Variants in DPY19L1 observed in about 807,000 individuals in gnomAD.
DPY19L1 encodes dpy-19 like C-mannosyltransferase 1.
In DPY19L1, 35 loss-of-function variants were observed where a neutral mutation model predicts 96.9. That is an observed-to-expected ratio of 0.36 (90% CI 0.28 to 0.48). DPY19L1 has a LOEUF of 0.48. Ranked by LOEUF, DPY19L1 falls within the 20% of genes least tolerant of loss-of-function variation. The pLI is 0.99. For missense variants in DPY19L1, 521 were observed against 777.9 expected, an observed-to-expected ratio of 0.67 and a Z score of 3.93; for synonymous variants, 205 against 252.6, an observed-to-expected ratio of 0.81 and a Z score of 1.79.
rs545010368 is a variant in DPY19L1 at position 35,030,998 on chromosome 7, G to C, written c.298+6099C>G. The stretch of plus-strand genomic sequence containing the variant: ...AAACTAGCAGCCTCTTCCCCTGGAA[G>C]AGTAATGTCTCAATGGTTTGGCTGA... On this transcript the variant is annotated intron_variant, in intron 1 of 21. Coordinates refer to ENST00000638088, the MANE Select transcript of DPY19L1 (RefSeq NM_001366673.1). 6.6e-4 allele frequency among the ~76,000 whole-genome samples: 100 copies of C among 152,288 alleles called. 1 individual carries two copies. The highest frequency in any genetic ancestry group is 2.2e-4 in the Non-Finnish European group (15 of 68,028).
intron 6 of DPY19L1, among the ~76,000 whole-genome samples, chr7:35,006,571 G>A (rs1381851940): frequency 6.6e-6 from 1 of 151,714 alleles, no homozygotes; most frequent in East Asian, 1.9e-4. Context: ...GAAATATCAG[G>A]GTATCTTATG....
At chr7:34,979,109 C>G (rs1476084951) in intron 7 of DPY19L1, among the ~76,000 whole-genome samples, 1 of 152,096 alleles carries the variant, frequency 6.6e-6, no homozygotes, top group Non-Finnish European at 1.5e-5. Context: ...TCTAAGATAT[C>G]AGTATATCCT....
chr7:34,939,846 T>C (rs533222923), intron 19 of DPY19L1, among the ~76,000 whole-genome samples: 1 of 152,306 alleles, frequency 6.6e-6, no homozygotes, highest in South Asian at 2.1e-4. Flanking sequence ...TAAAAATTCA[T>C]TAAGAAAATA....
intron 21 of DPY19L1, among the ~76,000 whole-genome samples, chr7:34,934,105 A>G (rs917234414): frequency 8.5e-5 from 13 of 152,058 alleles, no homozygotes; most frequent in African/African-American, 2.9e-4. Flanking sequence ...CTGGGATTAC[A>G]GGTGCCCACC....
intron 1 of DPY19L1, among the ~76,000 whole-genome samples, chr7:35,033,370 C>T (rs117592832): frequency 2.0e-5 from 3 of 152,142 alleles, no homozygotes; most frequent in Non-Finnish European, 4.4e-5. Flanking sequence ...TACCATCCCC[C>T]CTTCCAGAAT....
intron 16 of DPY19L1, among the ~76,000 whole-genome samples, chr7:34,944,579 A>T (rs1303092064): frequency 6.6e-6 from 1 of 152,140 alleles, no homozygotes; most frequent in Non-Finnish European, 1.5e-5. Flanking sequence ...AATTTTAAAG[A>T]GAAGTATAAT....
At chr7:35,015,648 T>C (rs1785827971) in intron 3 of DPY19L1, among the ~76,000 whole-genome samples, 1 of 152,236 alleles carries the variant, frequency 6.6e-6, no homozygotes, top group South Asian at 2.1e-4. Context: ...ATCCACCTCT[T>C]GTTTATCATA....
At chr7:34,970,062 C>T (rs956742243) in intron 8 of DPY19L1, among the ~76,000 whole-genome samples, 1 of 152,128 alleles carries the variant, frequency 6.6e-6, no homozygotes, top group South Asian at 2.1e-4. Flanking sequence ...CTGAAGCAAC[C>T]TTTAGAGATC....
At chr7:34,942,575 C>A (rs756522492) in intron 17 of DPY19L1, 40 bp downstream of exon 17, 7 of 1,525,224 alleles carry the variant, frequency 4.6e-6, no homozygotes, top group Middle Eastern at 1.7e-4. Context: ...ATGCATGCAA[C>A]TTTAAGATAA....
intron 7 of DPY19L1, among the ~76,000 whole-genome samples, chr7:34,978,537 T>C (rs1784875627): frequency 6.6e-6 from 1 of 152,042 alleles, no homozygotes; most frequent in Non-Finnish European, 1.5e-5. Context: ...ATGGCTTGAG[T>C]ATCTCTTGTT....
At chr7:34,968,191 T>TAAA (rs1784650322) in intron 9 of DPY19L1, among the ~76,000 whole-genome samples, 2 of 151,922 alleles carry the variant, frequency 1.3e-5, no homozygotes, top group South Asian at 4.2e-4. Context: ...AAGATCAAAG[T>TAAA]AAAAAGTAAG....
intron 4 of DPY19L1, among the ~76,000 whole-genome samples, chr7:35,012,256 G>T (rs566343808): frequency 6.6e-6 from 1 of 152,314 alleles, no homozygotes; most frequent in South Asian, 2.1e-4. Flanking sequence ...ATCCAGAGCT[G>T]CCCAGGGACT....
chr7:34,953,023 A>G (rs1649228), intron 13 of DPY19L1, among the ~76,000 whole-genome samples: 70,905 of 151,858 alleles, frequency 0.47, 17,063 homozygotes, highest in Admixed American at 0.61. Context: ...TGAAGGGGGC[A>G]GGACCGAGTG....
chr7:34,989,033 A>T (rs1252140317), intron 7 of DPY19L1, among the ~76,000 whole-genome samples: 1 of 152,204 alleles, frequency 6.6e-6, no homozygotes, highest in Non-Finnish European at 1.5e-5. Flanking sequence ...AGATTAAATG[A>T]CTTGCTCAGG....
chr7:35,016,613 A>G (rs1037244025), intron 3 of DPY19L1, among the ~76,000 whole-genome samples: 1 of 152,244 alleles, frequency 6.6e-6, no homozygotes, highest in Admixed American at 6.5e-5. Flanking sequence ...TGGCTAGGCT[A>G]TAGGAGGAAT....
rs532335276 is a variant in DPY19L1, at chr7:34,984,334, G to A, written c.822+5550C>T. Among the ~76,000 whole-genome samples, 174 of 152,228 alleles carry A rather than the reference G, an allele frequency of 1.1e-3. 1 individual carries two copies. Among genetic ancestry groups the A allele is most frequent in the Non-Finnish European group, 2.0e-3 (136 of 68,026 alleles). ...TTAGGCACACGTCAAGATGAGGGGC[G>A]CAGAGGCATATACAAAGCATAGGAA... On this transcript the variant is annotated intron_variant, in intron 7 of 21. Coordinates refer to ENST00000638088, the MANE Select transcript of DPY19L1 (RefSeq NM_001366673.1).
chr7:34,958,219 C>A (rs1310015107), intron 10 of DPY19L1, 149 bp from the exon 11 acceptor site: 5 of 511,618 alleles, frequency 9.8e-6, no homozygotes, highest in Non-Finnish European at 6.9e-6. Context: ...TCTCACACTT[C>A]AAACTCCCAG....
chr7:34,959,919 A>ATATT (rs1784462612), intron 10 of DPY19L1, among the ~76,000 whole-genome samples: 1 of 15,594 alleles, frequency 6.4e-5, no homozygotes, highest in South Asian at 2.0e-3. Context: ...ATATATATAT[A>ATATT]TATATTTATA....
chr7:34,993,498 CAT>C (rs1346138591), intron 6 of DPY19L1, among the ~76,000 whole-genome samples: 2 of 151,874 alleles, frequency 1.3e-5, no homozygotes, highest in East Asian at 1.9e-4. Flanking sequence ...AATTTTAACA[CAT>C]GATTTTAAAA....
Sources: gnomAD v4.1 joint callset for allele counts (sites outside exome capture counted in the v4.1 genomes callset) on GRCh38, gnomAD v4.1.1 for gene constraint, MANE v1.5 for transcripts, NCBI Gene and HGNC (gene_info 2026-07-23, HGNC 2026-07-21) for gene names.